PDZRN4: variants seen among roughly 807,000 people sequenced by gnomAD.
PDZRN4 encodes the protein PDZ domain-containing RING finger protein 4.
A neutral mutation model predicts 99.0 loss-of-function variants in PDZRN4; 70 were observed. That is an observed-to-expected ratio of 0.71 (90% CI 0.58 to 0.86). The LOEUF is 0.86. PDZRN4 is among the 40% of genes least tolerant of loss of function. The probability of loss-of-function intolerance (pLI) is 0.00; values close to 1 mark genes in which losing one functional copy is unlikely to be tolerated. For missense variants in PDZRN4, 1,474 were observed against 1,331.2 expected (o/e 1.11, Z -1.67); for synonymous variants, 551 against 501.6 (o/e 1.10, Z -1.32).
At chr12:41,276,102 G>A (rs1404663955) in intron 3 of PDZRN4, among the ~76,000 whole-genome samples, 4 of 152,126 alleles carry the variant, frequency 2.6e-5, no homozygotes, top group Non-Finnish European at 4.4e-5. Flanking sequence ...ATTCTCGATA[G>A]GGATGACAGC....
intron 3 of PDZRN4, among the ~76,000 whole-genome samples, chr12:41,316,612 A>G (rs1951639812): frequency 1.3e-5 from 2 of 152,028 alleles, no homozygotes; most frequent in Admixed American, 1.3e-4. Context: ...ATTCCAATAC[A>G]TGGCATCAAT....
intron 3 of PDZRN4, among the ~76,000 whole-genome samples, chr12:41,393,119 C>T (rs1238442543): frequency 6.6e-6 from 1 of 152,150 alleles, no homozygotes; most frequent in Non-Finnish European, 1.5e-5. Flanking sequence ...TTGTTTCCTT[C>T]ATTGAGTGCT....
chr12:41,204,879 A>C (rs899597791), intron 3 of PDZRN4, among the ~76,000 whole-genome samples: 3 of 151,916 alleles, frequency 2.0e-5, no homozygotes, highest in African/African-American at 7.2e-5. Flanking sequence ...ATTTTCTCTC[A>C]ATCAAATATG....
intron 3 of PDZRN4, among the ~76,000 whole-genome samples, chr12:41,290,133 G>T (rs1951448118): frequency 6.6e-6 from 1 of 152,290 alleles, no homozygotes; most frequent in Non-Finnish European, 1.5e-5. Flanking sequence ...TTGTGCTTTG[G>T]AACAGAATCC....
At chr12:41,274,998 T>C (rs1257872119) in intron 3 of PDZRN4, among the ~76,000 whole-genome samples, 1 of 152,130 alleles carries the variant, frequency 6.6e-6, no homozygotes, top group Admixed American at 6.6e-5. Context: ...GGTGGGTCAG[T>C]GTCGGACTAG....
intron 3 of PDZRN4, among the ~76,000 whole-genome samples, chr12:41,390,811 C>T (rs1366218439): frequency 2.0e-5 from 3 of 152,076 alleles, no homozygotes; most frequent in African/African-American, 4.8e-5. Context: ...ATGCAAACAA[C>T]TTGGTAATAA....
At chr12:41,471,773 T>G (rs562547463) in intron 3 of PDZRN4, among the ~76,000 whole-genome samples, 8 of 151,388 alleles carry the variant, frequency 5.3e-5, no homozygotes, top group South Asian at 4.2e-4. Context: ...TTGAAAAATA[T>G]GCTGAGAATA....
intron 3 of PDZRN4, among the ~76,000 whole-genome samples, chr12:41,350,771 G>A (rs564856031): frequency 5.3e-5 from 8 of 152,200 alleles, no homozygotes; most frequent in Admixed American, 3.3e-4. Context: ...CCCCAGTTAT[G>A]TTGGACATGT....
At chr12:41,515,281 A>G (rs1938381216) in intron 5 of PDZRN4, among the ~76,000 whole-genome samples, 1 of 152,092 alleles carries the variant, frequency 6.6e-6, no homozygotes, top group African/African-American at 2.4e-5. Flanking sequence ...TAGTGTATAG[A>G]GTATAAAAGA....
intron 3 of PDZRN4, among the ~76,000 whole-genome samples, chr12:41,484,227 A>G (rs572959669): frequency 6.6e-6 from 1 of 152,316 alleles, no homozygotes; most frequent in East Asian, 1.9e-4. Flanking sequence ...ATATTTGTAA[A>G]TACTCAAATA....
intron 4 of PDZRN4, 32 bp from the exon 5 acceptor site, chr12:41,509,779 C>A: frequency 2.0e-6 from 2 of 988,268 alleles, no homozygotes; most frequent in Middle Eastern, 2.1e-4. Flanking sequence ...CCCATTTAAT[C>A]TATTCCTATC....
intron 3 of PDZRN4, among the ~76,000 whole-genome samples, chr12:41,338,300 G>T (rs1156270079): frequency 6.6e-6 from 1 of 152,044 alleles, no homozygotes; most frequent in Non-Finnish European, 1.5e-5. Flanking sequence ...TATTTATCCA[G>T]TGCCAACTAT....
chr12:41,229,847 TC>T (rs1264074933), intron 3 of PDZRN4, among the ~76,000 whole-genome samples: 1 of 152,076 alleles, frequency 6.6e-6, no homozygotes, highest in Non-Finnish European at 1.5e-5. Context: ...GAAGAGACTC[TC>T]TTTTGCCAGG....
intron 3 of PDZRN4, among the ~76,000 whole-genome samples, chr12:41,267,787 G>A (rs182017157): frequency 1.3e-5 from 2 of 152,268 alleles, no homozygotes; most frequent in Admixed American, 6.5e-5. Context: ...GTTGCAGTGA[G>A]CTGAGATCTC....
intron 3 of PDZRN4, among the ~76,000 whole-genome samples, chr12:41,245,438 G>T (rs1951127763): frequency 6.6e-6 from 1 of 152,172 alleles, no homozygotes; most frequent in Admixed American, 6.5e-5. Context: ...AGATGGACAT[G>T]TACAAAATTA....
At chr12:41,391,936 A>G (rs1952213547) in intron 3 of PDZRN4, among the ~76,000 whole-genome samples, 1 of 152,190 alleles carries the variant, frequency 6.6e-6, no homozygotes, top group South Asian at 2.1e-4. Flanking sequence ...AATCTTTCTT[A>G]GTAGCACAGG....
chr12:41,541,206 G>GCTGGGAATACA (rs1565610023), intron 5 of PDZRN4, among the ~76,000 whole-genome samples: 1 of 151,504 alleles, frequency 6.6e-6, no homozygotes, highest in East Asian at 2.0e-4. Flanking sequence ...CTGGGAATAC[G>GCTGGGAATACA]GGTGTGAGCC....
chr12:41,357,642 G>A (rs10785250), intron 3 of PDZRN4, among the ~76,000 whole-genome samples: 56,681 of 151,748 alleles, frequency 0.37, 10,661 homozygotes, highest in Non-Finnish European at 0.39. Context: ...GCTTAAGCAT[G>A]TACTGTACCT....
chr12:41,322,045 TG>T (rs1379925071), intron 3 of PDZRN4, among the ~76,000 whole-genome samples: 1 of 152,146 alleles, frequency 6.6e-6, no homozygotes. Flanking sequence ...TGTTTTGTTT[TG>T]TTTTTTGAGA....
Sources: allele counts gnomAD v4.1 joint callset (sites outside exome capture counted in the v4.1 genomes callset), GRCh38; gene constraint gnomAD v4.1.1; transcripts MANE v1.5; gene names NCBI Gene and HGNC (gene_info 2026-07-23, HGNC 2026-07-21).